Variants in C2CD5 observed in about 807,000 individuals in gnomAD.
The protein encoded by C2CD5 is C2 calcium dependent domain containing 5, also known as C2 domain-containing protein 5.
A neutral mutation model predicts 130.3 loss-of-function variants in C2CD5; 109 were observed. That is an observed-to-expected ratio of 0.84 (90% CI 0.72 to 0.98). The LOEUF is 0.98. C2CD5 is among the 50% of genes least tolerant of loss of function. The pLI, the probability that C2CD5 is intolerant of heterozygous loss-of-function variation, is 0.00. For synonymous variants in C2CD5, 454 were observed against 429.2 expected (o/e 1.06, Z -0.71); for missense variants, 996 against 1,261.8 (o/e 0.79, Z 3.19).
At position 22,474,866 on chromosome 12, in the gene C2CD5, G is replaced by A. The variant is rs1183241564; in HGVS notation, c.1928C>T (p.Ser643Leu). ...GCGTTGCCTAGGTTCTGGGATGGGTGATCCTATAATCTCTTCAGATATCTC... is the reference window on the plus strand; with the variant it reads ...GCGTTGCCTAGGTTCTGGGATGGGTAATCCTATAATCTCTTCAGATATCTC... ...PPEISEEIIG[S>L]PIPEPRQRSR... The change falls in exon 16 of 27, where the codon TCA becomes TTA. Residue 643 changes from serine (S) to leucine (L), a missense_variant. Ser to Leu is a moderately radical substitution (Grantham distance 145). Around this residue, in one of 9 missense-constraint regions of C2CD5, gnomAD observed 590 missense variants for 631.4 expected, o/e 0.93. Transcript: ENST00000446597. 1.2e-6 allele frequency: 2 copies of A among 1,600,422 alleles called. No homozygotes were observed. The highest frequency in any genetic ancestry group is 3.4e-5 in the Admixed American group (2 of 59,136).
chr12:22,457,938 G>A (rs1016591113), intron 24 of C2CD5, among the ~76,000 whole-genome samples: 7 of 152,054 alleles, frequency 4.6e-5, no homozygotes, highest in African/African-American at 1.7e-4. Flanking sequence ...ATTATTTCCT[G>A]TGAAATGTAG....
chr12:22,497,537 A>T, intron 10 of C2CD5: 1 of 577,274 alleles, frequency 1.7e-6, no homozygotes, highest in Non-Finnish European at 2.2e-6. Context: ...ATGATAATCT[A>T]TCATGTTAAC....
Position 22,531,001 on chromosome 12 carries a change from T to C in C2CD5, c.178-3109A>G, listed in dbSNP as rs537636283. On this transcript the variant is annotated intron_variant, in intron 3 of 26. Coordinates refer to ENST00000446597, the MANE Select transcript of C2CD5 (RefSeq NM_001286176.2). ...CCAATAACAATGTAATGAAAACTAT[T>C]CGTTTTTAACCATTTCTAGGTTATA... Among the ~76,000 whole-genome samples, 10 of 152,234 alleles carry C rather than the reference T, an allele frequency of 6.6e-5. No homozygotes were observed. In the South Asian group the frequency reaches 2.1e-3, roughly 32 times the overall value.
intron 9 of C2CD5, among the ~76,000 whole-genome samples, chr12:22,509,526 C>T (rs1302372590): frequency 6.6e-6 from 1 of 152,162 alleles, no homozygotes; most frequent in Non-Finnish European, 1.5e-5. Context: ...CACCAATTCA[C>T]TCTAAAACAC....
At chr12:22,454,875 G>A (rs1205938062) in intron 25 of C2CD5, among the ~76,000 whole-genome samples, 1 of 152,110 alleles carries the variant, frequency 6.6e-6, no homozygotes, top group African/African-American at 2.4e-5. Context: ...CATATAATAA[G>A]AATTCCATAT....
rs144195046 is a variant in C2CD5 at position 22,473,193 on chromosome 12, C to T, written c.2044-386G>A. Among the ~76,000 whole-genome samples, 463 of 152,190 alleles carry T rather than the reference C, an allele frequency of 3.0e-3. 2 individuals are homozygous for T. The highest frequency in any genetic ancestry group is 0.01 in the African/African-American group (434 of 41,522). ...AATTAGGTACAGATAAATTTAAAGA[C>T]ATATCTAATAATAGGTCTAAACTCT... On this transcript the variant is annotated intron_variant, in intron 16 of 26. Coordinates refer to ENST00000446597, the MANE Select transcript of C2CD5 (RefSeq NM_001286176.2).
At position 22,503,359 on chromosome 12, in the gene C2CD5, AGTTTT is replaced by A. The variant is rs1165523950; in HGVS notation, c.1147+3347_1147+3351del. ...ATCATTACGGTAGATGTTAATCTAG[AGTTTT>A]GTTTTGTTTCAACATTCAGCTTTTC... On this transcript the variant is annotated intron_variant, in intron 10 of 26. Transcript: ENST00000446597. Among the ~76,000 whole-genome samples, 8 of 152,278 alleles carry A rather than the reference AGTTTT, an allele frequency of 5.3e-5. 2 individuals carry two copies. The highest frequency in any genetic ancestry group is 1.9e-4 in the African/African-American group (8 of 41,566).
intron 10 of C2CD5, among the ~76,000 whole-genome samples, chr12:22,506,135 G>C (rs1948502322): frequency 6.6e-6 from 1 of 152,088 alleles, no homozygotes; most frequent in South Asian, 2.1e-4. Flanking sequence ...GACTGGTTTG[G>C]TTCCCTCTGC....
At chr12:22,508,121 C>A (rs1948784688) in intron 9 of C2CD5, among the ~76,000 whole-genome samples, 1 of 152,088 alleles carries the variant, frequency 6.6e-6, no homozygotes, top group African/African-American at 2.4e-5. Flanking sequence ...CAAAGCACGG[C>A]AACTTGGAAT....
intron 14 of C2CD5, among the ~76,000 whole-genome samples, chr12:22,481,994 TTTAA>T (rs1458826193): frequency 6.6e-6 from 1 of 151,976 alleles, no homozygotes; most frequent in African/African-American, 2.4e-5. Context: ...TATGATAAAG[TTTAA>T]TTGTCTGTCC....
chr12:22,513,677 G>A (rs540421672), intron 8 of C2CD5, among the ~76,000 whole-genome samples: 1 of 152,140 alleles, frequency 6.6e-6, no homozygotes, highest in East Asian at 1.9e-4. Context: ...CATTTTAAAA[G>A]CTGAGTCTTT....
In C2CD5 at chr12:22,455,831, T is replaced by G. The variant is rs572534107; in HGVS notation, c.2877+1140A>C. 5.9e-5 allele frequency among the ~76,000 whole-genome samples: 9 copies of G among 152,136 alleles called. No individual in the cohort carries two copies. In the East Asian group the frequency reaches 1.7e-3, roughly 29 times the overall value. On this transcript the variant is annotated intron_variant, in intron 25 of 26. Coordinates refer to ENST00000446597, the MANE Select transcript of C2CD5 (RefSeq NM_001286176.2). ...TCCTGAGTAGCTAGGATTACAGGCA[T>G]GTGCCACCATGCCCGGCTAATTTTT...
At chr12:22,518,388 G>GTCT (rs1949963524) in intron 7 of C2CD5, among the ~76,000 whole-genome samples, 1 of 152,004 alleles carries the variant, frequency 6.6e-6, no homozygotes, top group African/African-American at 2.4e-5. Context: ...GACAGACTAA[G>GTCT]GGGATAAAAA....
chr12:22,512,427 T>C (rs952788953), intron 9 of C2CD5, among the ~76,000 whole-genome samples: 1 of 152,036 alleles, frequency 6.6e-6, no homozygotes, highest in South Asian at 2.1e-4. Context: ...AACTATGTCT[T>C]AAAATTACTG....
At chr12:22,532,293 G>A (rs1468811752) in intron 3 of C2CD5, among the ~76,000 whole-genome samples, 1 of 150,418 alleles carries the variant, frequency 6.6e-6, no homozygotes, top group Non-Finnish European at 1.5e-5. Context: ...TCCCACCATT[G>A]CCCTCCAGCC....
At chr12:22,476,988 G>C (rs1439362473) in intron 15 of C2CD5, among the ~76,000 whole-genome samples, 1 of 151,952 alleles carries the variant, frequency 6.6e-6, no homozygotes, top group Non-Finnish European at 1.5e-5. Context: ...CTTTTACAAA[G>C]TCTATTTTTC....
At chr12:22,512,510 A>G (rs928659338) in intron 9 of C2CD5, 1 of 582,770 alleles carries the variant, frequency 1.7e-6, no homozygotes, top group South Asian at 2.6e-5. Context: ...CTATTAAATA[A>G]AAAAAAAACT....
chr12:22,530,663 C>T (rs1212022567), intron 3 of C2CD5, among the ~76,000 whole-genome samples: 1 of 151,848 alleles, frequency 6.6e-6, no homozygotes. Flanking sequence ...CACTCTGTTG[C>T]CCAGGCTGGT....
chr12:22,535,100 CT>C (rs1415818412), intron 3 of C2CD5, 157 bp downstream of exon 3: 5 of 610,096 alleles, frequency 8.2e-6, no homozygotes, highest in African/African-American at 1.9e-5. Context: ...TGTAATACAA[CT>C]TTTTTTAGAC....
Sources: allele counts gnomAD v4.1 joint callset (sites outside exome capture counted in the v4.1 genomes callset), GRCh38; gene constraint gnomAD v4.1.1; regional missense constraint gnomAD v4.1.1; transcripts MANE v1.5; gene names NCBI Gene and HGNC (gene_info 2026-07-23, HGNC 2026-07-21).